ARHGAP44: variants seen among roughly 807,000 people sequenced by gnomAD.
ARHGAP44 encodes the protein Rho GTPase activating protein 44.
ARHGAP44 carries 43 observed loss-of-function variants against 106.8 expected under a neutral mutation model. The ratio of observed to expected loss-of-function variants is 0.40; its 90% CI spans 0.32 to 0.52. The LOEUF (loss-of-function observed/expected upper bound fraction) is 0.52, where lower values mean the gene tolerates loss of function less well. ARHGAP44 is among the 20% of genes least tolerant of loss of function. The pLI is 0.48. For synonymous variants in ARHGAP44, 439 were observed against 410.3 expected (o/e 1.07, Z -0.85); for missense variants, 866 against 1,050.5 (o/e 0.82, Z 2.43).
intron 16 of ARHGAP44, chr17:12,959,190 A>G (rs1176231287): frequency 1.3e-5 from 5 of 389,746 alleles, no homozygotes; most frequent in African/African-American, 6.1e-5. Flanking sequence ...AAAAAAATAC[A>G]TACGCACTTT....
chr17:12,869,881 A>G (rs762843455), intron 1 of ARHGAP44, among the ~76,000 whole-genome samples: 44 of 151,978 alleles, frequency 2.9e-4, no homozygotes, highest in Non-Finnish European at 5.1e-4. Context: ...AATAAATGCC[A>G]TCCTTTTTAA....
chr17:12,955,630 A>G (rs1055577840), intron 13 of ARHGAP44: 4 of 424,752 alleles, frequency 9.4e-6, no homozygotes, highest in Middle Eastern at 6.7e-4. Context: ...CTTTCTGGCC[A>G]GTGTTAGTTG....
chr17:12,802,969 ATTTT>A (rs1162376884), intron 1 of ARHGAP44, among the ~76,000 whole-genome samples: 78 of 40,800 alleles, frequency 1.9e-3, no homozygotes, highest in East Asian at 4.0e-3. Flanking sequence ...ATATATATAT[ATTTT>A]TTTTTTTTTT....
chr17:12,865,806 A>T (rs1356737638), intron 1 of ARHGAP44, among the ~76,000 whole-genome samples: 1 of 151,032 alleles, frequency 6.6e-6, no homozygotes, highest in African/African-American at 2.4e-5. Flanking sequence ...AAAAAAAAAA[A>T]GGAAATCAGT....
At chr17:12,870,004 A>C (rs1597972439) in intron 1 of ARHGAP44, among the ~76,000 whole-genome samples, 1 of 148,658 alleles carries the variant, frequency 6.7e-6, no homozygotes, top group African/African-American at 2.5e-5. Flanking sequence ...TGCTCTGATT[A>C]CTTTTTTTTC....
intron 1 of ARHGAP44, among the ~76,000 whole-genome samples, chr17:12,829,349 A>G (rs190225527): frequency 6.6e-6 from 1 of 152,194 alleles, no homozygotes; most frequent in Non-Finnish European, 1.5e-5. Flanking sequence ...TGCAGCCCAA[A>G]TCACTCTTGA....
chr17:12,966,798 T>G (rs534380445), intron 16 of ARHGAP44, among the ~76,000 whole-genome samples: 9 of 152,300 alleles, frequency 5.9e-5, no homozygotes, highest in Middle Eastern at 3.4e-3. Context: ...ACTTGAACAC[T>G]TCACAGCCAT....
At chr17:12,833,266 C>T (rs2035140007) in intron 1 of ARHGAP44, among the ~76,000 whole-genome samples, 1 of 152,156 alleles carries the variant, frequency 6.6e-6, no homozygotes, top group South Asian at 2.1e-4. Context: ...AAGGCTTTAG[C>T]ACTGCATATG....
chr17:12,956,879 AC>A, intron 15 of ARHGAP44, 133 bp downstream of exon 15: 1 of 662,330 alleles, frequency 1.5e-6, no homozygotes, highest in Admixed American at 2.4e-5. Flanking sequence ...ACACACACAC[AC>A]ACACACACGC....
chr17:12,943,745 A>G, intron 9 of ARHGAP44, 76 bp downstream of exon 9: 1 of 1,452,274 alleles, frequency 6.9e-7, no homozygotes, highest in South Asian at 1.2e-5. Context: ...AATTCCTTGT[A>G]TGTCGTTGGC....
intron 3 of ARHGAP44, among the ~76,000 whole-genome samples, chr17:12,903,109 A>AG (rs1555553553): frequency 3.7e-4 from 44 of 117,680 alleles, no homozygotes; most frequent in African/African-American, 1.5e-3. Context: ...AGAGAGAGAG[A>AG]GAGAGAGAGA....
intron 1 of ARHGAP44, among the ~76,000 whole-genome samples, chr17:12,818,641 A>G (rs571784193): frequency 9.2e-5 from 14 of 152,120 alleles, no homozygotes; most frequent in Non-Finnish European, 1.6e-4. Flanking sequence ...CTCAAGACAC[A>G]GAAACGTCTA....
At position 12,941,532 on chromosome 17, in the gene ARHGAP44, C is replaced by T. The variant is rs115934040; in HGVS notation, c.651+408C>T. Among the ~76,000 whole-genome samples, 679 of 152,232 alleles carry T rather than the reference C, an allele frequency of 4.5e-3. 6 individuals carry two copies. The highest frequency in any genetic ancestry group is 0.015 in the African/African-American group (620 of 41,530). On this transcript the variant is annotated intron_variant, in intron 8 of 20. Coordinates refer to ENST00000379672, the MANE Select transcript of ARHGAP44 (RefSeq NM_014859.6). ...CCCCACACCAATGAATTATCCAGTC[C>T]AAAATGTCAGTAGGGCTGACATTAA...
chr17:12,862,464 G>T (rs144376168), intron 1 of ARHGAP44, among the ~76,000 whole-genome samples: 66 of 152,232 alleles, frequency 4.3e-4, no homozygotes, highest in African/African-American at 1.5e-3. Context: ...GAGCATAGGG[G>T]GCAGCCTTTT....
intron 20 of ARHGAP44, 181 bp downstream of exon 20, chr17:12,985,089 A>G: frequency 1.4e-6 from 1 of 722,454 alleles, no homozygotes; most frequent in Non-Finnish European, 2.2e-6. Flanking sequence ...GCAACCCTGG[A>G]ATCCATGTGT....
At chr17:12,966,507 TCA>T (rs2039395338) in intron 16 of ARHGAP44, among the ~76,000 whole-genome samples, 1 of 152,162 alleles carries the variant, frequency 6.6e-6, no homozygotes, top group South Asian at 2.1e-4. Context: ...AATACCGAAT[TCA>T]GGCCTCACTG....
At chr17:12,942,550 T>C (rs942363998) in intron 8 of ARHGAP44, among the ~76,000 whole-genome samples, 1 of 152,262 alleles carries the variant, frequency 6.6e-6, no homozygotes, top group Non-Finnish European at 1.5e-5. Context: ...AGAGTTTTAC[T>C]GATGACCTCA....
chr17:12,848,169 T>C (rs1309458889), intron 1 of ARHGAP44, among the ~76,000 whole-genome samples: 1 of 152,222 alleles, frequency 6.6e-6, no homozygotes, highest in Non-Finnish European at 1.5e-5. Context: ...GACTTGCTAC[T>C]TTCCATAAGA....
At chr17:12,879,994 G>C (rs928403591) in intron 1 of ARHGAP44, among the ~76,000 whole-genome samples, 1 of 151,978 alleles carries the variant, frequency 6.6e-6, no homozygotes, top group African/African-American at 2.4e-5. Flanking sequence ...TACTGTCTCA[G>C]GTGTGGCAAA....
Sources: allele counts gnomAD v4.1 joint callset (sites outside exome capture counted in the v4.1 genomes callset), GRCh38; gene constraint gnomAD v4.1.1; transcripts MANE v1.5; gene names NCBI Gene and HGNC (gene_info 2026-07-23, HGNC 2026-07-21).